The following SPIRE1 variants were observed in gnomAD, a reference collection of about 807,000 sequenced individuals.
SPIRE1 encodes protein spire homolog 1.
In SPIRE1, 40 loss-of-function variants were observed where a neutral mutation model predicts 94.1. The ratio of observed to expected loss-of-function variants is 0.43; its 90% CI spans 0.33 to 0.55. SPIRE1 has a LOEUF of 0.55. Among genes scored for constraint, SPIRE1 ranks in the 20% least tolerant of loss-of-function variants. The pLI, the probability that SPIRE1 is intolerant of heterozygous loss-of-function variation, is 0.06. For missense variants in SPIRE1, 838 were observed against 975.2 expected (o/e 0.86, Z 1.87); for synonymous variants, 376 against 371.7 (o/e 1.01, Z -0.13).
chr18:12,506,686 A>G (rs749277306), intron 5 of SPIRE1, 45 bp from the exon 6 acceptor site: 1 of 1,566,402 alleles, frequency 6.4e-7, no homozygotes, highest in African/African-American at 1.4e-5. Context: ...TAAATGTACT[A>G]GTTTCTTCTA....
upstream of SPIRE1, chr18:12,661,318 G>T: frequency 1.0e-6 from 1 of 973,078 alleles, no homozygotes; most frequent in Non-Finnish European, 1.2e-6. Context: ...CAAAAAAGAA[G>T]AAAAAAAATT....
intron 1 of SPIRE1, among the ~76,000 whole-genome samples, chr18:12,654,163 C>A (rs1215948702): frequency 6.6e-5 from 10 of 150,942 alleles, no homozygotes; most frequent in Admixed American, 1.3e-4. Context: ...ATGGTGAAAA[C>A]CCTTCTCTAC....
chr18:12,654,343 A>C (rs1378312804), intron 1 of SPIRE1, among the ~76,000 whole-genome samples: 1 of 59,644 alleles, frequency 1.7e-5, no homozygotes. Context: ...CCTCAAAAAA[A>C]AAAAAAAAAA....
At chr18:12,523,159 T>C (rs1252856310) in intron 4 of SPIRE1, among the ~76,000 whole-genome samples, 2 of 152,168 alleles carry the variant, frequency 1.3e-5, no homozygotes, top group Non-Finnish European at 2.9e-5. Context: ...CCAACCCTCA[T>C]GGATGACTTT....
chr18:12,603,864 C>T (rs2036903573), intron 2 of SPIRE1, among the ~76,000 whole-genome samples: 2 of 152,152 alleles, frequency 1.3e-5, no homozygotes, highest in Non-Finnish European at 1.5e-5. Flanking sequence ...TGAGCCACAG[C>T]GCCTGGCCTA....
intron 6 of SPIRE1, among the ~76,000 whole-genome samples, chr18:12,499,854 AGGG>A: frequency 6.6e-6 from 1 of 152,234 alleles, no homozygotes; most frequent in African/African-American, 2.4e-5. Context: ...TCTATCTGTC[AGGG>A]GTCCACCATC....
chr18:12,451,372 G>A (rs946693656), intron 16 of SPIRE1, among the ~76,000 whole-genome samples: 2 of 152,152 alleles, frequency 1.3e-5, no homozygotes. Context: ...CAACATCATA[G>A]TAAATATTTC....
At chr18:12,454,641 T>TATAAAGA in intron 12 of SPIRE1, 158 bp from the exon 13 acceptor site, 1 of 633,634 alleles carries the variant, frequency 1.6e-6, no homozygotes. Flanking sequence ...GGGGACCACA[T>TATAAAGA]CATTTCCAAT....
chr18:12,506,346 A>T (rs2033830093), intron 6 of SPIRE1, 131 bp downstream of exon 6: 1 of 761,732 alleles, frequency 1.3e-6, no homozygotes, highest in African/African-American at 1.7e-5. Flanking sequence ...TTTGGTACAG[A>T]CAGGGATTCA....
intron 7 of SPIRE1, among the ~76,000 whole-genome samples, chr18:12,494,711 C>T (rs1184956668): frequency 2.5e-4 from 37 of 149,898 alleles, no homozygotes; most frequent in Non-Finnish European, 4.3e-4. Context: ...TGGTGGCAGG[C>T]GCCTGTAGTC....
intron 2 of SPIRE1, among the ~76,000 whole-genome samples, chr18:12,582,981 T>A (rs2036297658): frequency 6.6e-6 from 1 of 151,972 alleles, no homozygotes; most frequent in Non-Finnish European, 1.5e-5. Flanking sequence ...AACTGAAGAG[T>A]GCAACTCCTA....
At chr18:12,546,941 T>C in intron 2 of SPIRE1, 37 bp from the exon 3 acceptor site, 1 of 1,458,460 alleles carries the variant, frequency 6.9e-7, no homozygotes, top group East Asian at 2.3e-5. Flanking sequence ...TGGAGATGAA[T>C]GAAGAGCTTT....
chr18:12,461,422 GTGTGTGTATGTATGTATATACATACA>G lies in SPIRE1; in HGVS notation c.1638+1903_1638+1928del, dbSNP rs774740394. ...CTTACCTATACACATGTATGTGTGT[GTGTGTGTATGTATGTATATACATACA>G]TGTGTGTATGTATGTACATATGTAC... On this transcript the variant is annotated intron_variant, in intron 12 of 16. Transcript: ENST00000409402. 9.6e-3 allele frequency among the ~76,000 whole-genome samples: 1,227 copies of G among 127,716 alleles called. 4 individuals are homozygous for G. The highest frequency in any genetic ancestry group is 0.015 in the Non-Finnish European group (921 of 60,656). The allele number at this position is 127,716 out of a possible 152,430, so 83.8% of individuals were successfully genotyped here.
chr18:12,559,566 A>G lies in SPIRE1; in HGVS notation c.373-12662T>C, dbSNP rs2035625692. Among the ~76,000 whole-genome samples, 1 of 152,224 alleles carries G rather than the reference A, an allele frequency of 6.6e-6. No homozygotes were observed. The highest frequency in any genetic ancestry group is 6.5e-5 in the Admixed American group (1 of 15,284). On this transcript the variant is annotated intron_variant, in intron 2 of 16. Transcript: ENST00000409402. The surrounding 1 kb of genome is among the most constrained non-coding windows in gnomAD (Gnocchi z 4.7). Reference sequence around the variant, plus strand: ...CAGCAGCAGGCTGAAGGGCTCCTCAAGCATGGCCAGAGTGGACGCCGTGGC... The same window carrying G: ...CAGCAGCAGGCTGAAGGGCTCCTCAGGCATGGCCAGAGTGGACGCCGTGGC...
In SPIRE1 at chr18:12,449,511, C is replaced by G. The variant is rs1042912359; in HGVS notation, c.*127G>C. ...CAGTCTGTGGAACAATGTGATGCGGCAAAAATCTGATCTAATGCAAATTCA... is the reference window on the plus strand; with the variant it reads ...CAGTCTGTGGAACAATGTGATGCGGGAAAAATCTGATCTAATGCAAATTCA... On this transcript the variant is annotated 3_prime_UTR_variant, in exon 17 of 17. Transcript: ENST00000409402. 5.3e-5 allele frequency: 53 copies of G among 1,007,572 alleles called. No individual in the cohort carries two copies. Among genetic ancestry groups the G allele is most frequent in the Non-Finnish European group, 7.4e-5 (52 of 698,440 alleles). The allele number at this position is 1,007,572 out of a possible 1,614,324, so 62.4% of individuals were successfully genotyped here.
At chr18:12,645,018 G>A (rs2038186032) in intron 1 of SPIRE1, among the ~76,000 whole-genome samples, 1 of 151,984 alleles carries the variant, frequency 6.6e-6, no homozygotes, top group Admixed American at 6.6e-5. Context: ...GGCCAAGGCA[G>A]GTAGATGTCT....
At chr18:12,563,239 G>T in intron 2 of SPIRE1, among the ~76,000 whole-genome samples, 1 of 151,300 alleles carries the variant, frequency 6.6e-6, no homozygotes. Flanking sequence ...TAGGTATATG[G>T]TGTTGATCTA....
At chr18:12,622,664 C>T (rs933313854) in intron 2 of SPIRE1, among the ~76,000 whole-genome samples, 2 of 151,860 alleles carry the variant, frequency 1.3e-5, no homozygotes, top group African/African-American at 2.4e-5. Flanking sequence ...CCTCGTGATC[C>T]GCCCGCCTCA....
At chr18:12,479,555 C>A in intron 10 of SPIRE1, 144 bp downstream of exon 10, 1 of 738,746 alleles carries the variant, frequency 1.4e-6, no homozygotes, top group Non-Finnish European at 2.1e-6. Flanking sequence ...TTCCTGCAAA[C>A]CAAATTAATT....
Sources: gnomAD v4.1 joint callset for allele counts (sites outside exome capture counted in the v4.1 genomes callset) on GRCh38, gnomAD v4.1.1 for gene constraint, Gnocchi (gnomAD v3.1) non-coding constraint, MANE v1.5 for transcripts, NCBI Gene and HGNC (gene_info 2026-07-23, HGNC 2026-07-21) for gene names.